INTS8: variants seen among roughly 807,000 people sequenced by gnomAD.
INTS8 encodes protein kaonashi-1.
In INTS8, 47 loss-of-function variants were observed where a neutral mutation model predicts 138.9. That is an observed-to-expected ratio of 0.34 (90% CI 0.27 to 0.43). The LOEUF is 0.43. Among genes scored for constraint, INTS8 ranks in the 20% least tolerant of loss-of-function variants. The probability of loss-of-function intolerance (pLI) is 1.00; values close to 1 mark genes in which losing one functional copy is unlikely to be tolerated. For missense variants in INTS8, 996 were observed against 1,173.0 expected (o/e 0.85, Z 2.20); for synonymous variants, 392 against 400.9 (o/e 0.98, Z 0.27).
chr8:94,841,632 ACAG>A (rs1383748478), intron 9 of INTS8, 41 bp downstream of exon 9: 2 of 1,003,128 alleles, frequency 2.0e-6, no homozygotes, highest in Non-Finnish European at 1.5e-6. Context: ...TTTGAATAAA[ACAG>A]CAAGTGCATT....
chr8:94,871,049 A>G (rs1816377948), intron 20 of INTS8, among the ~76,000 whole-genome samples: 1 of 152,090 alleles, frequency 6.6e-6, no homozygotes, highest in Non-Finnish European at 1.5e-5. Flanking sequence ...AGGCCCCTGA[A>G]GCATCTCGAG....
At chr8:94,873,075 C>T (rs977930708) in intron 21 of INTS8, among the ~76,000 whole-genome samples, 4 of 152,266 alleles carry the variant, frequency 2.6e-5, no homozygotes, top group South Asian at 2.1e-4. Context: ...ATCAGGTTCT[C>T]GATATCTATC....
Position 94,836,636 on chromosome 8 carries a change from A to G in INTS8, c.861+5A>G. 6.5e-7 allele frequency: 1 copy of G among 1,535,144 alleles called. No individual in the cohort carries two copies. The highest frequency in any genetic ancestry group is 2.2e-5 in the East Asian group (1 of 44,474). ...ACCAAAGAACTAATTGCAGAGGTAA[A>G]TCCAGTCATAATAGGAACTTAATGT... On this transcript the variant is annotated splice_donor_5th_base_variant and intron_variant, in intron 7 of 26. Transcript: ENST00000523731.
At chr8:94,850,911 TTA>T (rs1388483546) in intron 12 of INTS8, among the ~76,000 whole-genome samples, 2 of 152,154 alleles carry the variant, frequency 1.3e-5, no homozygotes, top group Non-Finnish European at 2.9e-5. Flanking sequence ...ACTTCAACAT[TTA>T]ATATAGATGA....
At chr8:94,854,462 CT>C (rs372376820) in intron 14 of INTS8, among the ~76,000 whole-genome samples, 51 of 152,102 alleles carry the variant, frequency 3.4e-4, no homozygotes, top group African/African-American at 1.2e-3. Flanking sequence ...TATTTGTATT[CT>C]TTAGGATTCA....
Position 94,881,504 on chromosome 8 carries a change from G to C in INTS8, c.*1270G>C. ...AATTGTAAGTTTTAAAATCAGAATG[G>C]CAGTGTAACTTGTGAATTGGCTAGG... On this transcript the variant is annotated 3_prime_UTR_variant, in exon 27 of 27. Coordinates refer to ENST00000523731, the MANE Select transcript of INTS8 (RefSeq NM_017864.4). The C allele has an allele frequency of 2.6e-6, 2 of 781,796 alleles. No homozygotes were observed. Among genetic ancestry groups the C allele is most frequent in the Non-Finnish European group, 4.1e-6 (2 of 491,308 alleles). 48.4% of individuals were successfully genotyped at this position (781,796 alleles called of 1,614,324 possible). A position where few individuals can be genotyped will look rare whatever the true frequency, so the allele number is the denominator to read the frequency against.
chr8:94,828,672 A>G (rs1814601307), intron 4 of INTS8, among the ~76,000 whole-genome samples: 1 of 152,084 alleles, frequency 6.6e-6, no homozygotes, highest in Non-Finnish European at 1.5e-5. Flanking sequence ...TAATCCTAAC[A>G]CTTTGGGAGG....
intron 2 of INTS8, among the ~76,000 whole-genome samples, 174 bp downstream of exon 2, chr8:94,825,241 G>C (rs1814447325): frequency 6.6e-6 from 1 of 152,078 alleles, no homozygotes; most frequent in Non-Finnish European, 1.5e-5. Context: ...CTTGAGGTCA[G>C]GAGTTTGAGA....
In INTS8 at chr8:94,851,555, T is replaced by C; in HGVS notation, c.1510T>C (p.Ser504Pro). ...PVTSFYDIPA[S>P]ASVNIGQLEH... is the part of the protein sequence containing the mutation. ...TTGAAATATAAATCTTTTTTTAGCTTCAGCAAGTGTCAACATTGGTCAGTT... is the reference window on the plus strand; with the variant it reads ...TTGAAATATAAATCTTTTTTTAGCTCCAGCAAGTGTCAACATTGGTCAGTT... Residue 504 changes from serine to proline, a missense_variant and splice_region_variant, in exon 13 of 27, where the codon TCA (serine) becomes CCA (proline). Coordinates refer to ENST00000523731, the MANE Select transcript of INTS8 (RefSeq NM_017864.4). The C allele has an allele frequency of 6.4e-7, 1 of 1,562,692 alleles. No individual in the cohort carries two copies. The highest frequency in any genetic ancestry group is 1.4e-5 in the African/African-American group (1 of 71,928).
intron 10 of INTS8, among the ~76,000 whole-genome samples, chr8:94,847,880 A>G (rs1386820058): frequency 2.0e-5 from 3 of 152,176 alleles, no homozygotes; most frequent in African/African-American, 7.2e-5. Context: ...ATATTTACAT[A>G]TGGCAGCAAA....
chr8:94,876,351 T>G, intron 25 of INTS8, 66 bp downstream of exon 25: 1 of 1,444,484 alleles, frequency 6.9e-7, no homozygotes, highest in African/African-American at 1.4e-5. Flanking sequence ...GAATATTTAA[T>G]ATTGTATATT....
chr8:94,824,123 TAATGATTA>T (rs2130986301), intron 1 of INTS8, among the ~76,000 whole-genome samples: 1 of 152,342 alleles, frequency 6.6e-6, no homozygotes, highest in East Asian at 1.9e-4. Context: ...ATAGTGATGA[TAATGATTA>T]ATAGCCCAGT....
chr8:94,841,687 G>A (rs1563649222), intron 9 of INTS8, 96 bp downstream of exon 9: 1 of 666,330 alleles, frequency 1.5e-6, no homozygotes, highest in Admixed American at 2.5e-5. Flanking sequence ...CTATGGCTCT[G>A]TGACATTATT....
chr8:94,847,475 C>T (rs1446785179), intron 10 of INTS8, among the ~76,000 whole-genome samples: 1 of 152,018 alleles, frequency 6.6e-6, no homozygotes, highest in Admixed American at 6.6e-5. Flanking sequence ...GTCATTGCTT[C>T]TTTCAGTGTT....
chr8:94,859,812 ATTTC>A, intron 16 of INTS8, 180 bp downstream of exon 16: 2 of 542,864 alleles, frequency 3.7e-6, no homozygotes, highest in Non-Finnish European at 6.6e-6. Context: ...TTGTTCTAAT[ATTTC>A]TTTCTAATGC....
intron 6 of INTS8, among the ~76,000 whole-genome samples, chr8:94,833,632 A>G (rs1284146446): frequency 6.6e-6 from 1 of 152,214 alleles, no homozygotes; most frequent in Non-Finnish European, 1.5e-5. Context: ...ATGGTGGATG[A>G]TACAACCTGA....
chr8:94,876,208 T>G lies in INTS8; in HGVS notation c.2763-13T>G. ...TTTTTCTGCTTAAGAAGTAACTGAA[T>G]TCTGTCTTTCAGTCATGATGCTATG... is the stretch of plus-strand genomic sequence containing the variant. On this transcript the variant is annotated splice_polypyrimidine_tract_variant and intron_variant, in intron 24 of 26. Coordinates refer to ENST00000523731, the MANE Select transcript of INTS8 (RefSeq NM_017864.4). 4.4e-6 allele frequency: 7 copies of G among 1,608,762 alleles called. No individual in the cohort carries two copies. Among genetic ancestry groups the G allele is most frequent in the Non-Finnish European group, 6.0e-6 (7 of 1,175,722 alleles).
intron 15 of INTS8, among the ~76,000 whole-genome samples, chr8:94,857,745 C>G (rs1467865451): frequency 6.6e-6 from 1 of 152,186 alleles, no homozygotes; most frequent in Admixed American, 6.5e-5. Flanking sequence ...TACAAGGACA[C>G]CAGTCATTGG....
At position 94,873,384 on chromosome 8, in the gene INTS8, G is replaced by A. The variant is rs779298882; in HGVS notation, c.2544G>A (p.Gln848=). The A allele has an allele frequency of 5.6e-6, 9 of 1,612,512 alleles. No individual in the cohort carries two copies. In the South Asian group the frequency reaches 8.8e-5, roughly 16 times the overall value. Residue 848 remains glutamine, a synonymous_variant, in exon 22 of 27, where the codon CAG becomes CAA. Transcript: ENST00000523731. ...IQADIYFATN[Q]YSAALHYYLQ... ...GTTTTTCTGTTTCAGCAACGAATCA[G>A]TATTCAGCAGCTCTTCACTATTACC... is the stretch of plus-strand genomic sequence containing the variant.
Sources: gnomAD v4.1 joint callset for allele counts (sites outside exome capture counted in the v4.1 genomes callset) on GRCh38, gnomAD v4.1.1 for gene constraint, MANE v1.5 for transcripts, NCBI Gene and HGNC (gene_info 2026-07-23, HGNC 2026-07-21) for gene names.